The following GRSF1 variants were observed in gnomAD, a reference collection of about 807,000 sequenced individuals.
GRSF1 encodes G-rich sequence factor 1.
GRSF1 carries 50 observed loss-of-function variants against 51.1 expected under a neutral mutation model. The ratio of observed to expected loss-of-function variants is 0.98; its 90% CI spans 0.78 to 1.24. The LOEUF (loss-of-function observed/expected upper bound fraction) is 1.24. Among genes scored for constraint, GRSF1 ranks in the 50% most tolerant of loss-of-function variants. The pLI is 0.00. For synonymous variants in GRSF1, 293 were observed against 253.3 expected (o/e 1.16, Z -1.49); for missense variants, 700 against 639.7 (o/e 1.09, Z -1.02).
chr4:70,827,650 C>T (rs1253314526), intron 6 of GRSF1, among the ~76,000 whole-genome samples: 3 of 152,054 alleles, frequency 2.0e-5, no homozygotes, highest in Non-Finnish European at 4.4e-5. Context: ...TGGCGGCATG[C>T]GCCTGTAGTC....
chr4:70,816,817 A>AG lies in GRSF1; in HGVS notation c.*4069dup, dbSNP rs1490674983. 5 of 152,242 alleles carry AG rather than the reference A, an allele frequency of 3.3e-5. No homozygotes were observed. Among genetic ancestry groups the AG allele is most frequent in the Non-Finnish European group, 7.3e-5 (5 of 68,048 alleles). 9.4% of individuals were successfully genotyped at this position (152,242 alleles called of 1,614,324 possible). A position where few individuals can be genotyped will look rare whatever the true frequency, so the allele number is the denominator to read the frequency against. Reference sequence around the variant, plus strand: ...CTACAACTTACTTGGACATGCATATAGAAAAAAAGATGAGACTGCAGGAGG... The same window carrying AG: ...CTACAACTTACTTGGACATGCATATAGGAAAAAAAGATGAGACTGCAGGAGG... On this transcript the variant is annotated 3_prime_UTR_variant, in exon 10 of 10. Coordinates refer to ENST00000254799, the MANE Select transcript of GRSF1 (RefSeq NM_002092.4).
At chr4:70,827,777 CAA>C (rs879250559) in intron 6 of GRSF1, 73 bp downstream of exon 6, 823 of 862,568 alleles carry the variant, frequency 9.5e-4, no homozygotes, top group East Asian at 1.1e-3. Flanking sequence ...GACTTCATCT[CAA>C]AAAAAAAAAA....
At chr4:70,842,855 C>T (rs370888501), upstream of GRSF1, among the ~76,000 whole-genome samples, 8 of 151,992 alleles carry the variant, frequency 5.3e-5, no homozygotes, top group Non-Finnish European at 1.0e-4. Flanking sequence ...GGCAACCTGG[C>T]GACATCCCGT....
rs1363706953 is a variant in GRSF1, at chr4:70,839,874, G to C, written c.-47C>G. On this transcript the variant is annotated 5_prime_UTR_variant, in exon 1 of 10. The change creates a new upstream start codon in the 5' untranslated region. Transcript: ENST00000254799. ...GCCTGAAGGCAGCTGCTCCAGCAGC[G>C]ATGGTGGAACGGAAGTGGAATCCAG... The C allele has an allele frequency of 7.0e-7, 1 of 1,426,318 alleles. No homozygotes were observed. Among genetic ancestry groups the C allele is most frequent in the Non-Finnish European group, 9.1e-7 (1 of 1,098,206 alleles). 88.4% of individuals were successfully genotyped at this position (1,426,318 alleles called of 1,614,324 possible).
chr4:70,838,793 C>T (rs545970788), intron 1 of GRSF1: 7 of 188,400 alleles, frequency 3.7e-5, no homozygotes, highest in African/African-American at 1.7e-4. Flanking sequence ...ACGCTCCCTC[C>T]CATTCACCCC....
rs1022538532 is a variant in GRSF1, at chr4:70,818,509, G to A, written c.*2378C>T. ...GGAGCCTTCCTCCCAGGGAAGATTC[G>A]GTCCCCCTTCCCACATGACAGAAGC... On this transcript the variant is annotated 3_prime_UTR_variant, in exon 10 of 10. Transcript: ENST00000254799. 3.3e-5 allele frequency: 5 copies of A among 152,000 alleles called. No homozygotes were observed. The highest frequency in any genetic ancestry group is 4.8e-5 in the African/African-American group (2 of 41,376). The allele number at this position is 152,000 out of a possible 1,614,324, so 9.4% of individuals were successfully genotyped here. A position where few individuals can be genotyped will look rare whatever the true frequency, so the allele number is the denominator to read the frequency against.
rs1734382023 is a variant in GRSF1 at position 70,839,624 on chromosome 4, G to C, written c.204C>G (p.Thr68=). Residue 68 remains threonine (T), a synonymous_variant, in exon 1 of 10, where the codon ACC becomes ACG. Coordinates refer to ENST00000254799, the MANE Select transcript of GRSF1 (RefSeq NM_002092.4). The part of the protein sequence containing the change: ...AAASQTRGLQ[T]GPVPPGRLAG... ...CCAGCCTCCCGGGAGGCACAGGCCC[G>C]GTCTGGAGGCCACGCGTCTGGGAGG... is the stretch of plus-strand genomic sequence containing the variant. The C allele has an allele frequency of 1.4e-6, 2 of 1,403,670 alleles. No individual in the cohort carries two copies. Among genetic ancestry groups the C allele is most frequent in the Non-Finnish European group, 1.8e-6 (2 of 1,090,092 alleles). The allele number at this position is 1,403,670 out of a possible 1,614,324, so 87.0% of individuals were successfully genotyped here.
intron 3 of GRSF1, among the ~76,000 whole-genome samples, chr4:70,832,732 G>A (rs1356298789): frequency 6.6e-6 from 1 of 152,222 alleles, no homozygotes; most frequent in East Asian, 1.9e-4. Context: ...TGGATTACCT[G>A]AGGTCAGGAG....
upstream of GRSF1, chr4:70,840,085 G>GCCCGGGGAAGTGGGTGCAATCGAA: frequency 3.1e-6 from 1 of 324,104 alleles, no homozygotes; most frequent in Non-Finnish European, 5.5e-6. Flanking sequence ...TTTGGGCGGG[G>GCCCGGGGAAGTGGGTGCAATCGAA]CTGCCCATGG....
intron 5 of GRSF1, among the ~76,000 whole-genome samples, chr4:70,829,304 G>A (rs985203549): frequency 1.3e-5 from 2 of 151,442 alleles, no homozygotes; most frequent in African/African-American, 4.9e-5. Flanking sequence ...AAACCTTTGA[G>A]CCTGGACAAC....
chr4:70,825,260 T>A (rs763994545), intron 8 of GRSF1, 36 bp downstream of exon 8: 88 of 1,537,950 alleles, frequency 5.7e-5, no homozygotes, highest in Middle Eastern at 3.5e-4. Context: ...AAGACAAGCA[T>A]CAAAAATGAC....
In GRSF1 at chr4:70,833,228, T is replaced by C. The variant is rs1339491389; in HGVS notation, c.560A>G (p.Asn187Ser). ...ATCACCCCTTCGTTTCCCATCTCTG[T>C]TTAGGAGAAAATGTATTCCATTCTC... The part of the protein sequence containing the change: ...NGENGIHFLL[N>S]RDGKRRGDAL... Residue 187 changes from asparagine to serine, a missense_variant, in exon 3 of 10, where the codon AAC (asparagine) becomes AGC (serine). Transcript: ENST00000254799. 6.2e-7 allele frequency: 1 copy of C among 1,613,716 alleles called. No individual in the cohort carries two copies. The highest frequency in any genetic ancestry group is 2.2e-5 in the East Asian group (1 of 44,894).
chr4:70,826,026 C>T (rs6814981), intron 7 of GRSF1, 98 bp downstream of exon 7: 963,874 of 1,008,670 alleles, frequency 0.96, 462,679 homozygotes, highest in East Asian at 1. Flanking sequence ...AACGCAGAAA[C>T]ACTATATTTT....
intron 2 of GRSF1, among the ~76,000 whole-genome samples, chr4:70,833,638 T>C (rs970638779): frequency 6.6e-6 from 1 of 152,226 alleles, no homozygotes; most frequent in African/African-American, 2.4e-5. Flanking sequence ...ATCATCTCCA[T>C]AGGTCTCTAA....
chr4:70,833,147 C>G lies in GRSF1; in HGVS notation c.641G>C (p.Arg214Pro). The G allele has an allele frequency of 6.2e-7, 1 of 1,613,914 alleles. No individual in the cohort carries two copies. The highest frequency in any genetic ancestry group is 1.3e-5 in the African/African-American group (1 of 75,036). ...QDVQKALEKHRMYMGQRYVEV... is the reference protein window; with the variant it reads ...QDVQKALEKHPMYMGQRYVEV... ...CACATACCGCTGGCCCATGTACATG[C>G]GGTGCTTCTCTAAGGCTTTCTGCAC... is the stretch of plus-strand genomic sequence containing the variant. The change falls in exon 3 of 10, where the codon CGC (arginine) becomes CCC (proline). Residue 214 changes from arginine to proline, a missense_variant. By Grantham distance (103) the Arg-to-Pro change is moderately radical (BLOSUM62 -2). Coordinates refer to ENST00000254799, the MANE Select transcript of GRSF1 (RefSeq NM_002092.4).
At chr4:70,838,600 T>C (rs1310595261) in intron 1 of GRSF1, among the ~76,000 whole-genome samples, 1 of 151,982 alleles carries the variant, frequency 6.6e-6, no homozygotes, top group Non-Finnish European at 1.5e-5. Flanking sequence ...AGGGGCTGGG[T>C]AGTTAAAAAG....
chr4:70,836,379 C>A (rs1423132259), intron 1 of GRSF1, 65 bp from the exon 2 acceptor site: 1 of 1,211,156 alleles, frequency 8.3e-7, no homozygotes, highest in Non-Finnish European at 1.1e-6. Flanking sequence ...TAAAAAAATT[C>A]TTAGAAAATG....
intron 4 of GRSF1, 69 bp from the exon 5 acceptor site, chr4:70,831,743 C>T: frequency 7.4e-7 from 1 of 1,350,106 alleles, no homozygotes; most frequent in African/African-American, 1.5e-5. Context: ...CCATCATTCA[C>T]ATACTAATAA....
chr4:70,816,365 A>G lies in GRSF1; in HGVS notation c.*4522T>C. 7.3e-6 allele frequency: 1 copy of G among 137,858 alleles called. No homozygotes were observed. The allele number at this position is 137,858 out of a possible 1,614,324, so 8.5% of individuals were successfully genotyped here. On this transcript the variant is annotated 3_prime_UTR_variant, in exon 10 of 10. Transcript: ENST00000254799. ...CCATCTCAAAAAAAAAAAAAAAAAA[A>G]GAAAAAACCTCATCAAATGATACAC...
Sources: gnomAD v4.1 joint callset for allele counts (sites outside exome capture counted in the v4.1 genomes callset) on GRCh38, gnomAD v4.1.1 for gene constraint, MANE v1.5 for transcripts, NCBI Gene and HGNC (gene_info 2026-07-23, HGNC 2026-07-21) for gene names.